Variants in FHIT observed in about 807,000 individuals in gnomAD.
The protein encoded by FHIT is fragile histidine triad diadenosine triphosphatase.
FHIT carries 19 observed loss-of-function variants against 17.9 expected under a neutral mutation model. The ratio of observed to expected loss-of-function variants is 1.06; its 90% CI spans 0.74 to 1.56. FHIT has a LOEUF of 1.56. Among genes scored for constraint, FHIT ranks in the 40% most tolerant of loss-of-function variants. FHIT has a pLI of 0.00. For missense variants in FHIT, 248 were observed against 189.2 expected (o/e 1.31, Z -1.82); for synonymous variants, 81 against 69.7 (o/e 1.16, Z -0.81).
At chr3:60,508,881 T>C (rs2034837417) in intron 5 of FHIT, among the ~76,000 whole-genome samples, 1 of 152,004 alleles carries the variant, frequency 6.6e-6, no homozygotes, top group African/African-American at 2.4e-5. Context: ...TCCTATATAT[T>C]TGGTTTTAAA....
At chr3:60,925,635 G>A (rs1707554545) in intron 3 of FHIT, among the ~76,000 whole-genome samples, 1 of 152,170 alleles carries the variant, frequency 6.6e-6, no homozygotes, top group Admixed American at 6.5e-5. Context: ...ATCGAGGCTA[G>A]GAAGAAACTG....
intron 5 of FHIT, among the ~76,000 whole-genome samples, chr3:60,527,961 T>C (rs752251225): frequency 1.3e-5 from 2 of 152,210 alleles, no homozygotes; most frequent in East Asian, 1.9e-4. Context: ...AAACCACTCA[T>C]AGGCCAATGA....
chr3:60,044,257 T>G (rs1003257451), intron 5 of FHIT, among the ~76,000 whole-genome samples: 6 of 152,330 alleles, frequency 3.9e-5, no homozygotes, highest in African/African-American at 1.4e-4. Flanking sequence ...TCTTGATAGA[T>G]GAACTGTCTT....
At chr3:61,100,947 T>A (rs1324928737) in intron 2 of FHIT, among the ~76,000 whole-genome samples, 1 of 152,238 alleles carries the variant, frequency 6.6e-6, no homozygotes, top group Middle Eastern at 3.2e-3. Context: ...TCTTTGTAGA[T>A]TCTGGATATT....
intron 5 of FHIT, among the ~76,000 whole-genome samples, chr3:60,159,338 C>G (rs180978663): frequency 1.3e-5 from 2 of 152,216 alleles, no homozygotes; most frequent in African/African-American, 4.8e-5. Flanking sequence ...CCAGGCTGGT[C>G]TCAAACTCCT....
intron 3 of FHIT, among the ~76,000 whole-genome samples, chr3:60,999,262 T>C (rs981288242): frequency 6.6e-4 from 100 of 152,226 alleles, no homozygotes; most frequent in African/African-American, 2.4e-3. Flanking sequence ...CTGCAGAAGA[T>C]ATCACTGCAG....
At chr3:60,077,260 A>G (rs1205402657) in intron 5 of FHIT, 1 of 152,038 alleles carries the variant, frequency 6.6e-6, no homozygotes, top group African/African-American at 2.4e-5. Context: ...ATGGAAATAT[A>G]TATATAGTAT....
rs974497938 is a variant in FHIT at position 59,829,929 on chromosome 3, T to TA, written c.349-77609dup. Among the ~76,000 whole-genome samples the TA allele has an allele frequency of 5.3e-3, 785 of 149,520 alleles. 4 individuals are homozygous for TA. The highest frequency in any genetic ancestry group is 0.017 in the African/African-American group (693 of 40,748). ...TAGGGAGACCCCATATCTACAAAAA[T>TA]AAAAAAAAAATTAGCTCGTGCCTAT... On this transcript the variant is annotated intron_variant, in intron 8 of 9. Coordinates refer to ENST00000492590, the MANE Select transcript of FHIT (RefSeq NM_002012.4).
intron 2 of FHIT, among the ~76,000 whole-genome samples, chr3:61,089,138 A>G (rs2035397439): frequency 6.6e-6 from 1 of 152,120 alleles, no homozygotes; most frequent in South Asian, 2.1e-4. Flanking sequence ...CATTTGGAAA[A>G]CTGGCATAGG....
intron 5 of FHIT, among the ~76,000 whole-genome samples, chr3:60,317,394 TA>T (rs1179775627): frequency 7.7e-4 from 117 of 151,724 alleles, no homozygotes; most frequent in African/African-American, 2.7e-3. Context: ...CCAAATGGTC[TA>T]TTAGAATTCC....
chr3:60,980,862 C>T (rs1198090720), intron 3 of FHIT, among the ~76,000 whole-genome samples: 2 of 152,312 alleles, frequency 1.3e-5, no homozygotes, highest in Middle Eastern at 3.4e-3. Context: ...TAAATTTAAG[C>T]ATACTACAAA....
chr3:60,087,081 G>A (rs1223705999), intron 5 of FHIT, among the ~76,000 whole-genome samples: 1 of 152,216 alleles, frequency 6.6e-6, no homozygotes, highest in Non-Finnish European at 1.5e-5. Flanking sequence ...GTAACGTCAT[G>A]CAAAAACTGA....
At chr3:60,851,923 C>A (rs545046945) in intron 3 of FHIT, among the ~76,000 whole-genome samples, 49 of 152,198 alleles carry the variant, frequency 3.2e-4, no homozygotes, top group Non-Finnish European at 6.3e-4. Flanking sequence ...GCAAAGTCCA[C>A]ATTTCTATAA....
At chr3:60,602,657 T>G (rs2107715485) in intron 4 of FHIT, among the ~76,000 whole-genome samples, 1 of 152,164 alleles carries the variant, frequency 6.6e-6, no homozygotes, top group South Asian at 2.1e-4. Flanking sequence ...AATGGGAGAA[T>G]GACATTTGCA....
intron 4 of FHIT, among the ~76,000 whole-genome samples, chr3:60,702,283 T>C (rs549558711): frequency 7.3e-4 from 111 of 152,322 alleles, no homozygotes; most frequent in African/African-American, 2.5e-3. Context: ...AGTAACTTTA[T>C]ATTACATTTT....
intron 3 of FHIT, among the ~76,000 whole-genome samples, chr3:60,897,167 T>G (rs1471176589): frequency 6.6e-6 from 1 of 152,228 alleles, no homozygotes; most frequent in Non-Finnish European, 1.5e-5. Flanking sequence ...ACTGCATTAA[T>G]GTATTATGGC....
chr3:60,136,394 T>A (rs1699819492), intron 5 of FHIT, among the ~76,000 whole-genome samples: 1 of 152,144 alleles, frequency 6.6e-6, no homozygotes, highest in Admixed American at 6.5e-5. Flanking sequence ...CAAACCCAAC[T>A]TAAATTTCAG....
chr3:60,101,114 C>T (rs1338374437), intron 5 of FHIT, among the ~76,000 whole-genome samples: 1 of 152,198 alleles, frequency 6.6e-6, no homozygotes, highest in African/African-American at 2.4e-5. Context: ...AACTGACCTG[C>T]CGGCCCCCGC....
intron 3 of FHIT, among the ~76,000 whole-genome samples, chr3:60,930,220 A>G (rs1304028236): frequency 5.3e-5 from 8 of 152,296 alleles, no homozygotes; most frequent in Middle Eastern, 3.4e-3. Context: ...TTAATTCAAG[A>G]TGGATTAAAG....
Sources: allele counts gnomAD v4.1 joint callset (sites outside exome capture counted in the v4.1 genomes callset), GRCh38; gene constraint gnomAD v4.1.1; transcripts MANE v1.5; gene names NCBI Gene and HGNC (gene_info 2026-07-23, HGNC 2026-07-21).